Variants in HS6ST3 observed in about 807,000 individuals in gnomAD.
HS6ST3 encodes the protein heparan-sulfate 6-O-sulfotransferase 3.
Under a neutral mutation model 36.7 loss-of-function variants are expected in HS6ST3, and 12 were observed. The observed-to-expected ratio is 0.33, with a 90% CI of 0.21 to 0.53. The LOEUF (loss-of-function observed/expected upper bound fraction) is 0.53, where lower values mean the gene tolerates loss of function less well. HS6ST3 is among the 20% of genes least tolerant of loss of function. The pLI, the probability that HS6ST3 is intolerant of heterozygous loss-of-function variation, is 0.95. For synonymous variants in HS6ST3, 240 were observed against 257.5 expected (o/e 0.93, Z 0.65); for missense variants, 584 against 640.9 (o/e 0.91, Z 0.96).
intron 1 of HS6ST3, among the ~76,000 whole-genome samples, chr13:96,172,291 C>T (rs1221030391): frequency 6.6e-6 from 1 of 152,194 alleles, no homozygotes; most frequent in Admixed American, 6.5e-5. Flanking sequence ...ATGACATCAT[C>T]AAAGGGTATA....
chr13:96,405,557 T>C (rs2055473274), intron 1 of HS6ST3, among the ~76,000 whole-genome samples: 1 of 152,230 alleles, frequency 6.6e-6, no homozygotes, highest in Non-Finnish European at 1.5e-5. Flanking sequence ...GCTTTCTATC[T>C]GACATGAGTA....
In HS6ST3 at chr13:96,124,387, T is replaced by C. The variant is rs181379158; in HGVS notation, c.707+32818T>C. Among the ~76,000 whole-genome samples the C allele has an allele frequency of 2.6e-4, 39 of 152,330 alleles. No homozygotes were observed. The East Asian group carries it at 7.1e-3, about 28-fold the overall frequency. On this transcript the variant is annotated intron_variant, in intron 1 of 1. Transcript: ENST00000376705. ...CATTTAGCCATGCTTCTTTGGTGGA[T>C]GGGCCCCACCAGTCTGCTTCCTTAC...
At chr13:96,099,978 G>T (rs1257029843) in intron 1 of HS6ST3, among the ~76,000 whole-genome samples, 2 of 152,096 alleles carry the variant, frequency 1.3e-5, no homozygotes, top group Admixed American at 6.5e-5. Context: ...GAGGGTAAGA[G>T]CCCCATAATA....
chr13:96,749,637 G>GC (rs1555322470), intron 1 of HS6ST3, among the ~76,000 whole-genome samples: 2 of 151,810 alleles, frequency 1.3e-5, no homozygotes, highest in African/African-American at 4.8e-5. Flanking sequence ...TTATTGCCTT[G>GC]TTTTTTTGGT....
At chr13:96,254,415 GAAAAAAAAAAAAAAAAA>G (rs1174704709) in intron 1 of HS6ST3, among the ~76,000 whole-genome samples, 94 of 21,488 alleles carry the variant, frequency 4.4e-3, no homozygotes, top group South Asian at 0.014. Flanking sequence ...CTCTGTCTCA[GAAAAAAAAAAAAAAAAA>G]AAAAAAAAAA....
intron 1 of HS6ST3, among the ~76,000 whole-genome samples, chr13:96,812,917 G>A (rs1465490733): frequency 6.6e-6 from 1 of 152,146 alleles, no homozygotes; most frequent in Non-Finnish European, 1.5e-5. Flanking sequence ...TGAGCCTGGG[G>A]AAGTCTGTTG....
chr13:96,163,968 A>G (rs527320316), intron 1 of HS6ST3, among the ~76,000 whole-genome samples: 41 of 152,320 alleles, frequency 2.7e-4, no homozygotes, highest in Middle Eastern at 6.8e-3. Flanking sequence ...TCTAAGATAC[A>G]TGATTGGAGT....
At chr13:96,662,002 ATGCT>A (rs2056647960) in intron 1 of HS6ST3, among the ~76,000 whole-genome samples, 1 of 152,074 alleles carries the variant, frequency 6.6e-6, no homozygotes, top group Non-Finnish European at 1.5e-5. Flanking sequence ...AGATAATTTG[ATGCT>A]TCTCTCTTAC....
At chr13:96,540,188 C>A (rs1306444480) in intron 1 of HS6ST3, among the ~76,000 whole-genome samples, 6 of 152,162 alleles carry the variant, frequency 3.9e-5, no homozygotes, top group African/African-American at 1.4e-4. Flanking sequence ...TGCTCTACAC[C>A]CTACTACCCA....
intron 1 of HS6ST3, among the ~76,000 whole-genome samples, chr13:96,269,009 A>G (rs1301535581): frequency 6.6e-6 from 1 of 151,992 alleles, no homozygotes; most frequent in Non-Finnish European, 1.5e-5. Context: ...TGTAGCCTGA[A>G]AACATTCCTG....
chr13:96,227,400 A>G (rs922655471), intron 1 of HS6ST3, among the ~76,000 whole-genome samples: 5 of 152,238 alleles, frequency 3.3e-5, no homozygotes, highest in African/African-American at 1.2e-4. Flanking sequence ...CGGTCAGACA[A>G]GTACAGATGT....
intron 1 of HS6ST3, among the ~76,000 whole-genome samples, chr13:96,449,029 A>G (rs2055713989): frequency 6.6e-6 from 1 of 152,082 alleles, no homozygotes; most frequent in African/African-American, 2.4e-5. Context: ...TGGTGTGATC[A>G]TAGCTCACTG....
chr13:96,240,993 C>A (rs1423220633), intron 1 of HS6ST3, among the ~76,000 whole-genome samples: 1 of 152,128 alleles, frequency 6.6e-6, no homozygotes, highest in African/African-American at 2.4e-5. Context: ...TGATATATGC[C>A]CTGGCATATG....
In HS6ST3 at chr13:96,591,365, A is replaced by AT. The variant is rs554427972; in HGVS notation, c.708-241118dup. Reference sequence around the variant, plus strand: ...ATTTCCATTTTTGGAGTCCTCTTCAATTTTTTTATCAGTGTTTTATAGTTT... The same window carrying AT: ...ATTTCCATTTTTGGAGTCCTCTTCAATTTTTTTTATCAGTGTTTTATAGTTT... On this transcript the variant is annotated intron_variant, in intron 1 of 1. Coordinates refer to ENST00000376705, the MANE Select transcript of HS6ST3 (RefSeq NM_153456.4). Among the ~76,000 whole-genome samples, 16 of 151,862 alleles carry AT rather than the reference A, an allele frequency of 1.1e-4. No homozygotes were observed. The East Asian group carries it at 1.7e-3, about 17-fold the overall frequency.
rs186241749 is a variant in HS6ST3 at position 96,095,279 on chromosome 13, A to G, written c.707+3710A>G. Among the ~76,000 whole-genome samples, 185 of 152,350 alleles carry G rather than the reference A, an allele frequency of 1.2e-3. 1 individual carries two copies. The highest frequency in any genetic ancestry group is 3.8e-4 in the Non-Finnish European group (26 of 68,024). On this transcript the variant is annotated intron_variant, in intron 1 of 1. Coordinates refer to ENST00000376705, the MANE Select transcript of HS6ST3 (RefSeq NM_153456.4). Reference sequence around the variant, plus strand: ...TGGGAATTGCATTTTGAATATTGGCAGCCCTGTGTAGCCTAGGCTTCATCT... The same window carrying G: ...TGGGAATTGCATTTTGAATATTGGCGGCCCTGTGTAGCCTAGGCTTCATCT...
At chr13:96,754,911 TAAC>T (rs1876786536) in intron 1 of HS6ST3, among the ~76,000 whole-genome samples, 1 of 152,128 alleles carries the variant, frequency 6.6e-6, no homozygotes, top group Non-Finnish European at 1.5e-5. Flanking sequence ...TATATAATAA[TAAC>T]AGGCAATCTC....
intron 1 of HS6ST3, among the ~76,000 whole-genome samples, chr13:96,255,751 A>G (rs900034460): frequency 1.3e-5 from 2 of 152,188 alleles, no homozygotes; most frequent in African/African-American, 4.8e-5. Context: ...CTTTATCCAT[A>G]TGAACAGCTC....
intron 1 of HS6ST3, among the ~76,000 whole-genome samples, chr13:96,170,248 C>G (rs1174078258): frequency 1.3e-5 from 2 of 152,224 alleles, no homozygotes; most frequent in Admixed American, 1.3e-4. Context: ...TCTGCACCAC[C>G]AGGTGGGGAA....
At chr13:96,475,590 G>A (rs1203857709) in intron 1 of HS6ST3, among the ~76,000 whole-genome samples, 4 of 141,220 alleles carry the variant, frequency 2.8e-5, no homozygotes, top group Non-Finnish European at 6.0e-5. Flanking sequence ...GAAACTAGCT[G>A]CATTACCCAG....
Sources: gnomAD v4.1 joint callset for allele counts (sites outside exome capture counted in the v4.1 genomes callset) on GRCh38, gnomAD v4.1.1 for gene constraint, MANE v1.5 for transcripts, NCBI Gene and HGNC (gene_info 2026-07-23, HGNC 2026-07-21) for gene names.